The following PIP4P2 variants were observed in gnomAD, a reference collection of about 807,000 sequenced individuals.
PIP4P2 encodes type 2 phosphatidylinositol 4,5-bisphosphate 4-phosphatase.
Under a neutral mutation model 33.3 loss-of-function variants are expected in PIP4P2, and 19 were observed. That is an observed-to-expected ratio of 0.57 (90% confidence interval 0.40 to 0.84). The LOEUF (loss-of-function observed/expected upper bound fraction) is 0.84. Ranked by LOEUF, PIP4P2 falls within the 40% of genes least tolerant of loss-of-function variation. PIP4P2 has a pLI of 0.00. For synonymous variants in PIP4P2, 110 were observed against 111.9 expected, an observed-to-expected ratio of 0.98 and a Z score of 0.11; for missense variants, 270 against 324.7, an observed-to-expected ratio of 0.83 and a Z score of 1.29.
At chr8:91,014,301 C>A (rs1357917665) in intron 4 of PIP4P2, among the ~76,000 whole-genome samples, 2 of 152,108 alleles carry the variant, frequency 1.3e-5, no homozygotes. Context: ...ATCCCAAGCT[C>A]ATTGCAGCAT....
rs1812298511 is a variant in PIP4P2 at position 91,040,844 on chromosome 8, CGCTGCAGCTGCT to C, written c.-107_-96del. Reference sequence around the variant, plus strand: ...CTGCTGCCTCTGCTGCCGCTGCTGCCGCTGCAGCTGCTGCTGCTGCCGCCTCCGGGAGGGCCC... The same window carrying C: ...CTGCTGCCTCTGCTGCCGCTGCTGCCGCTGCTGCCGCCTCCGGGAGGGCCC... On this transcript the variant is annotated 5_prime_UTR_variant, in exon 1 of 7. Coordinates refer to ENST00000285419, the MANE Select transcript of PIP4P2 (RefSeq NM_018710.3). The C allele has an allele frequency of 9.9e-6, 11 of 1,116,444 alleles. No homozygotes were observed. Among genetic ancestry groups the C allele is most frequent in the Non-Finnish European group, 1.4e-5 (11 of 784,616 alleles). 69.2% of individuals were successfully genotyped at this position (1,116,444 alleles called of 1,614,324 possible). A position where few individuals can be genotyped will look rare whatever the true frequency, so the allele number is the denominator to read the frequency against.
At position 91,019,549 on chromosome 8, in the gene PIP4P2, G is replaced by A. The variant is rs554567634; in HGVS notation, c.362+608C>T. On this transcript the variant is annotated intron_variant, in intron 3 of 6. Transcript: ENST00000285419. Reference sequence around the variant, plus strand: ...AGCCAACTCTTTTGAGACTCTTCCCGTTGAGACTCTGTCTCAAAAAAAAAA... The same window carrying A: ...AGCCAACTCTTTTGAGACTCTTCCCATTGAGACTCTGTCTCAAAAAAAAAA... Among the ~76,000 whole-genome samples, 152 of 149,032 alleles carry A rather than the reference G, an allele frequency of 1.0e-3. 1 individual carries two copies. Among genetic ancestry groups the A allele is most frequent in the African/African-American group, 3.0e-3 (121 of 40,442 alleles).
rs148497785 is a variant in PIP4P2, at chr8:91,021,294, G to C, written c.217C>G (p.Gln73Glu). The part of the protein sequence containing the change: ...SLINLDGKLH[Q>E]HVVKCTVCNE... ...CAAACTGTGCACTTAACCACATGCT[G>C]GTGAAGCTTGCCATCCAAATTGATT... Residue 73 changes from glutamine to glutamate, a missense_variant, in exon 2 of 7, where the codon CAG becomes GAG. Gln to Glu is a conservative substitution (Grantham distance 29, BLOSUM62 2). Transcript: ENST00000285419. 6.2e-7 allele frequency: 1 copy of C among 1,613,664 alleles called. No individual in the cohort carries two copies. The highest frequency in any genetic ancestry group is 8.5e-7 in the Non-Finnish European group (1 of 1,179,814).
At chr8:91,039,518 G>T (rs545608840) in intron 1 of PIP4P2, among the ~76,000 whole-genome samples, 48 of 152,260 alleles carry the variant, frequency 3.2e-4, no homozygotes, top group Admixed American at 2.4e-3. Context: ...CTCTACATCA[G>T]CTCTAATTCC....
At chr8:91,033,971 G>C (rs977991365) in intron 1 of PIP4P2, among the ~76,000 whole-genome samples, 6 of 151,920 alleles carry the variant, frequency 3.9e-5, no homozygotes, top group African/African-American at 1.5e-4. Flanking sequence ...AATAGCAAGT[G>C]TTATACTTGC....
At chr8:91,032,020 C>T (rs926589056) in intron 1 of PIP4P2, among the ~76,000 whole-genome samples, 3 of 152,100 alleles carry the variant, frequency 2.0e-5, no homozygotes, top group Non-Finnish European at 4.4e-5. Flanking sequence ...TAATGCACCA[C>T]TCCTTGGATA....
chr8:91,031,196 C>A (rs907863080), intron 1 of PIP4P2, among the ~76,000 whole-genome samples: 2 of 152,186 alleles, frequency 1.3e-5, no homozygotes, highest in Non-Finnish European at 2.9e-5. Context: ...AGAACTAGAA[C>A]ATGACAACCA....
rs115910982 is a variant in PIP4P2, at chr8:91,033,083, G to A, written c.106+7561C>T. On this transcript the variant is annotated intron_variant, in intron 1 of 6. Transcript: ENST00000285419. Reference sequence around the variant, plus strand: ...CTGCATAGTCCTTGGAAACAAACAGGAAATTGAGAGCATCGTCTCCCTCTC... The same window carrying A: ...CTGCATAGTCCTTGGAAACAAACAGAAAATTGAGAGCATCGTCTCCCTCTC... 1.7e-3 allele frequency among the ~76,000 whole-genome samples: 260 copies of A among 152,240 alleles called. 1 individual carries two copies. The highest frequency in any genetic ancestry group is 6.1e-3 in the African/African-American group (253 of 41,554).
intron 4 of PIP4P2, among the ~76,000 whole-genome samples, chr8:91,013,619 C>A (rs1450820159): frequency 6.6e-6 from 1 of 152,098 alleles, no homozygotes; most frequent in African/African-American, 2.4e-5. Context: ...GCTGCAACCT[C>A]CAACTCCTGG....
intron 1 of PIP4P2, among the ~76,000 whole-genome samples, chr8:91,033,413 C>A (rs924610385): frequency 2.6e-5 from 4 of 152,106 alleles, no homozygotes; most frequent in Non-Finnish European, 4.4e-5. Context: ...TGACTCAACC[C>A]ATCAGCAAGT....
At chr8:90,999,362 T>C (rs1010428281) in intron 5 of PIP4P2, among the ~76,000 whole-genome samples, 3 of 152,080 alleles carry the variant, frequency 2.0e-5, no homozygotes, top group Admixed American at 6.6e-5. Context: ...AGATAAAACT[T>C]AAAGGTAAAT....
intron 1 of PIP4P2, among the ~76,000 whole-genome samples, chr8:91,026,790 G>A (rs1354816168): frequency 6.6e-6 from 1 of 152,158 alleles, no homozygotes; most frequent in African/African-American, 2.4e-5. Flanking sequence ...TAAATGCTAT[G>A]CCAAACTCCT....
rs1811758493 is a variant in PIP4P2, at chr8:91,006,007, G to A, written c.539+2736C>T. 2.0e-5 allele frequency among the ~76,000 whole-genome samples: 3 copies of A among 152,184 alleles called. No homozygotes were observed. The South Asian group carries it at 6.2e-4, about 31-fold the overall frequency. ...CCCCTCAGTCTTTGGAGCTCTAGGG[G>A]AAGCTTTCCCCATACATTTTGTGAG... On this transcript the variant is annotated intron_variant, in intron 5 of 6. Coordinates refer to ENST00000285419, the MANE Select transcript of PIP4P2 (RefSeq NM_018710.3).
chr8:91,022,943 C>G (rs889614470), intron 1 of PIP4P2, among the ~76,000 whole-genome samples: 2 of 152,020 alleles, frequency 1.3e-5, no homozygotes, highest in African/African-American at 4.8e-5. Context: ...TCAAAAGAAG[C>G]TGTACATGTC....
chr8:91,016,319 G>T (rs1459816767), intron 4 of PIP4P2, among the ~76,000 whole-genome samples: 4 of 151,840 alleles, frequency 2.6e-5, no homozygotes, highest in African/African-American at 9.7e-5. Context: ...CAAAAAAATG[G>T]AATGGACAAT....
intron 5 of PIP4P2, among the ~76,000 whole-genome samples, chr8:90,997,600 A>G (rs908672171): frequency 1.3e-5 from 2 of 152,120 alleles, no homozygotes; most frequent in East Asian, 1.9e-4. Flanking sequence ...TCAAAATGAT[A>G]TAAGTTATAG....
chr8:91,021,493 A>G, intron 1 of PIP4P2, 89 bp from the exon 2 acceptor site: 1 of 1,424,420 alleles, frequency 7.0e-7, no homozygotes, highest in Non-Finnish European at 9.4e-7. Flanking sequence ...AAGAAGAAAC[A>G]ATCAAGATTT....
intron 1 of PIP4P2, among the ~76,000 whole-genome samples, chr8:91,032,891 T>C (rs866128909): frequency 2.0e-5 from 3 of 152,152 alleles, no homozygotes; most frequent in African/African-American, 7.2e-5. Context: ...TTTAGATCAC[T>C]TCCCAGATAG....
At chr8:91,008,686 C>T in intron 5 of PIP4P2, 57 bp downstream of exon 5, 3 of 1,515,098 alleles carry the variant, frequency 2.0e-6, no homozygotes, top group Non-Finnish European at 2.7e-6. Context: ...AAATTCTGAA[C>T]TCTTCAAATT....
Sources: gnomAD v4.1 joint callset for allele counts (sites outside exome capture counted in the v4.1 genomes callset) on GRCh38, gnomAD v4.1.1 for gene constraint, MANE v1.5 for transcripts, NCBI Gene and HGNC (gene_info 2026-07-23, HGNC 2026-07-21) for gene names.